Variants in BRI3BP observed in about 807,000 individuals in gnomAD.
The protein encoded by BRI3BP is BRI3 binding protein, also known as BRI3-binding protein.
A neutral mutation model predicts 15.8 loss-of-function variants in BRI3BP; 7 were observed. The ratio of observed to expected loss-of-function variants is 0.44; its 90% CI spans 0.25 to 0.83. The LOEUF (loss-of-function observed/expected upper bound fraction) is 0.83, where lower values mean the gene tolerates loss of function less well. BRI3BP is among the 40% of genes least tolerant of loss of function. BRI3BP has a pLI of 0.20. For synonymous variants in BRI3BP, 192 were observed against 163.5 expected (o/e 1.17, Z -1.33); for missense variants, 320 against 339.3 (o/e 0.94, Z 0.45).
chr12:125,020,392 CTT>C (rs547942999), intron 2 of BRI3BP, among the ~76,000 whole-genome samples: 122 of 152,282 alleles, frequency 8.0e-4, no homozygotes, highest in Non-Finnish European at 1.5e-3. Flanking sequence ...TCTGGGACCT[CTT>C]TATAAGGGCA....
intron 2 of BRI3BP, among the ~76,000 whole-genome samples, chr12:125,014,527 C>G (rs1266523854): frequency 1.3e-5 from 2 of 152,218 alleles, no homozygotes; most frequent in African/African-American, 4.8e-5. Context: ...AGAGTTCTCT[C>G]CCTGTGGAGT....
rs148304039 is a variant in BRI3BP, at chr12:125,025,358, G to A, written c.684G>A (p.Glu228=). 858 of 1,612,880 alleles carry A rather than the reference G, an allele frequency of 5.3e-4. 4 individuals are homozygous for A. The highest frequency in any genetic ancestry group is 4.3e-3 in the South Asian group (388 of 90,938). The part of the protein sequence containing the change: ...PSVEEKLEHL[E]KQVRLLNIRL... ...TGGAGGAGAAGCTGGAGCACCTGGA[G>A]AAGCAGGTCAGACTGCTCAACATCC... The change falls in exon 3 of 3, where the codon GAG becomes GAA. Residue 228 remains glutamate, a synonymous_variant. Coordinates refer to ENST00000341446, the MANE Select transcript of BRI3BP (RefSeq NM_080626.6).
intron 1 of BRI3BP, among the ~76,000 whole-genome samples, chr12:124,996,776 C>T (rs1400764354): frequency 3.1e-5 from 4 of 130,928 alleles, no homozygotes; most frequent in East Asian, 2.5e-4. Context: ...TTTTTTTTTC[C>T]GAGATGGAGT....
downstream of BRI3BP, among the ~76,000 whole-genome samples, chr12:125,031,794 C>T (rs970310062): frequency 1.3e-5 from 2 of 152,004 alleles, no homozygotes. Context: ...TCCCAAAGTG[C>T]TGGGATAACA....
downstream of BRI3BP, among the ~76,000 whole-genome samples, chr12:125,031,574 A>ATTTTTTTTTTTTTTTTTTTTT (rs367625363): frequency 1.2e-5 from 1 of 84,244 alleles, no homozygotes; most frequent in Non-Finnish European, 2.3e-5. Flanking sequence ...TTTTCTTTCT[A>ATTTTTTTTTTTTTTTTTTTTT]TTTTTTTTTT....
At chr12:124,999,654 G>C (rs952557141) in intron 1 of BRI3BP, among the ~76,000 whole-genome samples, 19 of 150,124 alleles carry the variant, frequency 1.3e-4, no homozygotes, top group Non-Finnish European at 2.2e-4. Context: ...GTCTCCCTCT[G>C]TCGCCCAGGC....
chr12:125,009,947 C>A (rs1260968642), intron 1 of BRI3BP, among the ~76,000 whole-genome samples: 1 of 151,884 alleles, frequency 6.6e-6, no homozygotes, highest in Non-Finnish European at 1.5e-5. Flanking sequence ...ACTAAAAATA[C>A]AAAAATTAGC....
chr12:125,008,037 C>G (rs1287361135), intron 1 of BRI3BP, among the ~76,000 whole-genome samples: 1 of 152,124 alleles, frequency 6.6e-6, no homozygotes. Flanking sequence ...GGCTCCATCC[C>G]TGGAGAGTCT....
chr12:125,035,759 T>C (rs574851183), downstream of BRI3BP, among the ~76,000 whole-genome samples: 3 of 152,274 alleles, frequency 2.0e-5, no homozygotes, highest in South Asian at 4.1e-4. Flanking sequence ...GCCCGGCCTG[T>C]CAGGTGTGGT....
chr12:124,994,005 TG>T lies in BRI3BP; in HGVS notation c.213+5del. 7.5e-7 allele frequency: 1 copy of T among 1,330,038 alleles called. No homozygotes were observed. Among genetic ancestry groups the T allele is most frequent in the South Asian group, 1.8e-5 (1 of 56,828 alleles). 82.4% of individuals were successfully genotyped at this position (1,330,038 alleles called of 1,614,324 possible). On this transcript the variant is annotated splice_donor_region_variant and intron_variant, in intron 1 of 2. Transcript: ENST00000341446. ...GACAACGTGCGCGCCGCTCAGAAGGTGGGCGCCGGGCCCGCGCCCGCGGTCA... is the reference window on the plus strand; with the variant it reads ...GACAACGTGCGCGCCGCTCAGAAGGTGGCGCCGGGCCCGCGCCCGCGGTCA...
At chr12:125,040,772 C>T in the BRI3BP span, among the ~76,000 whole-genome samples, 2 of 150,408 alleles carry the variant, frequency 1.3e-5, no homozygotes, top group African/African-American at 4.9e-5. Context: ...GCTGTGTTGT[C>T]CAGGCTGGAG....
At chr12:125,000,295 A>AATCTT (rs1955077760) in intron 1 of BRI3BP, among the ~76,000 whole-genome samples, 1 of 147,148 alleles carries the variant, frequency 6.8e-6, no homozygotes, top group Non-Finnish European at 1.5e-5. Context: ...CAGTTAAGAT[A>AATCTT]AAGTTTCATA....
At chr12:125,001,113 G>A (rs1225570403) in intron 1 of BRI3BP, among the ~76,000 whole-genome samples, 1 of 151,766 alleles carries the variant, frequency 6.6e-6, no homozygotes, top group East Asian at 1.9e-4. Context: ...GGAGTGCAGT[G>A]GCGCGATCTC....
At chr12:125,023,464 C>T (rs564478426) in intron 2 of BRI3BP, among the ~76,000 whole-genome samples, 1 of 152,310 alleles carries the variant, frequency 6.6e-6, no homozygotes, top group African/African-American at 2.4e-5. Flanking sequence ...GTTGTGTGCC[C>T]AGCCTGAAGG....
At chr12:125,006,092 C>T (rs1209283823) in intron 1 of BRI3BP, among the ~76,000 whole-genome samples, 1 of 152,034 alleles carries the variant, frequency 6.6e-6, no homozygotes, top group South Asian at 2.1e-4. Flanking sequence ...GGACACCAGT[C>T]GCATCGGATT....
At chr12:125,035,078 T>C (rs2136005610), downstream of BRI3BP, among the ~76,000 whole-genome samples, 1 of 152,348 alleles carries the variant, frequency 6.6e-6, no homozygotes, top group Admixed American at 6.5e-5. Flanking sequence ...AATTTGCTTA[T>C]CCATTCACTT....
At chr12:125,022,356 A>G (rs1286385688) in intron 2 of BRI3BP, among the ~76,000 whole-genome samples, 2 of 152,118 alleles carry the variant, frequency 1.3e-5, no homozygotes, top group Non-Finnish European at 2.9e-5. Context: ...TCAGAATTTC[A>G]GTGTTTCTAA....
chr12:125,012,349 CAGTT>C (rs981384096), intron 1 of BRI3BP, among the ~76,000 whole-genome samples, 181 bp from the exon 2 acceptor site: 14 of 152,176 alleles, frequency 9.2e-5, no homozygotes, highest in South Asian at 2.1e-4. Flanking sequence ...CAGTTTTTCT[CAGTT>C]AGGCTGTGAT....
At chr12:125,041,969 C>A in the BRI3BP span, among the ~76,000 whole-genome samples, 1 of 152,228 alleles carries the variant, frequency 6.6e-6, no homozygotes, top group East Asian at 1.9e-4. Flanking sequence ...GCTGGGATTG[C>A]AGGCGTGAGC....
Sources: gnomAD v4.1 joint callset for allele counts (sites outside exome capture counted in the v4.1 genomes callset) on GRCh38, gnomAD v4.1.1 for gene constraint, MANE v1.5 for transcripts, NCBI Gene and HGNC (gene_info 2026-07-23, HGNC 2026-07-21) for gene names.